PARD6G: variants seen among roughly 807,000 people sequenced by gnomAD.
PARD6G encodes the protein partitioning defective 6 homolog gamma.
Under a neutral mutation model 10.7 loss-of-function variants are expected in PARD6G, and 7 were observed. That is an observed-to-expected ratio of 0.66 (90% CI 0.37 to 1.23). The LOEUF (loss-of-function observed/expected upper bound fraction) is 1.23. Among genes scored for constraint, PARD6G ranks in the 50% most tolerant of loss-of-function variants. The pLI, the probability that PARD6G is intolerant of heterozygous loss-of-function variation, is 0.02. For missense variants in PARD6G, 548 were observed against 571.8 expected, an observed-to-expected ratio of 0.96 and a Z score of 0.42; for synonymous variants, 287 against 269.4, an observed-to-expected ratio of 1.07 and a Z score of -0.64.
rs991711653 is a variant in PARD6G, at chr18:80,188,533, C to T, written c.295+14177G>A. On this transcript the variant is annotated intron_variant, in intron 2 of 2. Transcript: ENST00000353265. The surrounding 1 kb of genome is among the most constrained non-coding windows in gnomAD (Gnocchi z 5.4). Reference sequence around the variant, plus strand: ...CCCGGCAGGACCCTCCTAGTACAGGCGCCTCGACCCAACTGTGCCAGCACA... The same window carrying T: ...CCCGGCAGGACCCTCCTAGTACAGGTGCCTCGACCCAACTGTGCCAGCACA... 4.6e-5 allele frequency among the ~76,000 whole-genome samples: 7 copies of T among 152,338 alleles called. No homozygotes were observed. The highest frequency in any genetic ancestry group is 1.3e-4 in the Admixed American group (2 of 15,306).
rs1241207015 is a variant in PARD6G at position 80,180,908 on chromosome 18, G to A, written c.296-20302C>T. On this transcript the variant is annotated intron_variant, in intron 2 of 2. Coordinates refer to ENST00000353265, the MANE Select transcript of PARD6G (RefSeq NM_032510.4). The surrounding 1 kb of genome is among the most constrained non-coding windows in gnomAD (Gnocchi z 5.6). ...TCCTGGTATCTAGACAGCAGAGGCC[G>A]GGGCACCGATAGCTCTCCACATGCA... Among the ~76,000 whole-genome samples the A allele has an allele frequency of 3.9e-5, 6 of 152,144 alleles. No homozygotes were observed. The highest frequency in any genetic ancestry group is 6.5e-5 in the Admixed American group (1 of 15,278).
At chr18:80,207,829 G>A (rs1031963469) in intron 1 of PARD6G, among the ~76,000 whole-genome samples, 2 of 152,086 alleles carry the variant, frequency 1.3e-5, no homozygotes, top group Admixed American at 6.5e-5. Flanking sequence ...TTGCAGAGAA[G>A]AGTAACAGGG....
chr18:80,174,899 A>G (rs1181824193), intron 2 of PARD6G, among the ~76,000 whole-genome samples: 2 of 152,120 alleles, frequency 1.3e-5, no homozygotes, highest in Non-Finnish European at 2.9e-5. Context: ...GAGTGAGCCG[A>G]GATTGTACCA....
At chr18:80,220,064 GA>G (rs1210971802) in intron 1 of PARD6G, among the ~76,000 whole-genome samples, 2 of 152,092 alleles carry the variant, frequency 1.3e-5, no homozygotes, top group African/African-American at 4.8e-5. Context: ...ATTTATAAAG[GA>G]AAAAGGTTTG....
At position 80,192,077 on chromosome 18, in the gene PARD6G, T is replaced by TC. The variant is rs1328727985; in HGVS notation, c.295+10632dup. Among the ~76,000 whole-genome samples the TC allele has an allele frequency of 5.9e-5, 9 of 152,210 alleles. No individual in the cohort carries two copies. The highest frequency in any genetic ancestry group is 2.2e-4 in the African/African-American group (9 of 41,456). ...TTCATGTTTTCAATGTACAAGAAGG[T>TC]CAGCGTTAACCACAAGAAGTTTCCA... is the stretch of plus-strand genomic sequence containing the variant. On this transcript the variant is annotated intron_variant, in intron 2 of 2. Coordinates refer to ENST00000353265, the MANE Select transcript of PARD6G (RefSeq NM_032510.4). The surrounding 1 kb of genome is among the most constrained non-coding windows in gnomAD (Gnocchi z 4.9).
chr18:80,219,835 G>A (rs1008889843), intron 1 of PARD6G, among the ~76,000 whole-genome samples: 4 of 152,116 alleles, frequency 2.6e-5, no homozygotes, highest in Non-Finnish European at 4.4e-5. Context: ...ACATCTTCCT[G>A]TCTTCTGAGC....
chr18:80,238,722 C>G (rs1228712850), intron 1 of PARD6G, among the ~76,000 whole-genome samples: 2 of 151,930 alleles, frequency 1.3e-5, no homozygotes, highest in Non-Finnish European at 2.9e-5. Flanking sequence ...ACACAGCAGA[C>G]ACTGTCGTTG....
chr18:80,215,454 A>G (rs1172418731), intron 1 of PARD6G, among the ~76,000 whole-genome samples: 1 of 152,198 alleles, frequency 6.6e-6, no homozygotes, highest in Non-Finnish European at 1.5e-5. Context: ...TGACAATGTT[A>G]TATGAAAATG....
At position 80,159,758 on chromosome 18, in the gene PARD6G, GC is replaced by G; in HGVS notation, c.*12del. ...GGGGAACTGGAGCTAGGATTTGGGG[GC>G]CTCTCGGGAGTCTAGAGCGTGACCG... On this transcript the variant is annotated 3_prime_UTR_variant, in exon 3 of 3. Coordinates refer to ENST00000353265, the MANE Select transcript of PARD6G (RefSeq NM_032510.4). 7.2e-7 allele frequency: 1 copy of G among 1,387,524 alleles called. No homozygotes were observed. Among genetic ancestry groups the G allele is most frequent in the Non-Finnish European group, 9.3e-7 (1 of 1,071,640 alleles). The allele number at this position is 1,387,524 out of a possible 1,614,324, so 86.0% of individuals were successfully genotyped here.
intron 1 of PARD6G, among the ~76,000 whole-genome samples, chr18:80,245,335 T>C (rs2145311194): frequency 6.6e-6 from 1 of 152,276 alleles, no homozygotes; most frequent in African/African-American, 2.4e-5. Context: ...AGTGAGTCTT[T>C]AACGCTCATG....
At chr18:80,241,093 A>C (rs1316857750) in intron 1 of PARD6G, among the ~76,000 whole-genome samples, 1 of 152,142 alleles carries the variant, frequency 6.6e-6, no homozygotes, top group Non-Finnish European at 1.5e-5. Flanking sequence ...CTCCCCATAA[A>C]ACACAAGACT....
At chr18:80,194,292 C>T (rs1231946970) in intron 2 of PARD6G, among the ~76,000 whole-genome samples, 2 of 152,132 alleles carry the variant, frequency 1.3e-5, no homozygotes, top group African/African-American at 4.8e-5. Flanking sequence ...GCGTGCCTGT[C>T]GCTACCTCTG....
intron 1 of PARD6G, among the ~76,000 whole-genome samples, chr18:80,242,607 A>C (rs1157344236): frequency 6.6e-6 from 1 of 152,224 alleles, no homozygotes; most frequent in Non-Finnish European, 1.5e-5. Context: ...CCCAAGTTTA[A>C]TGCCTGGGGG....
chr18:80,241,956 T>C (rs1967494727), intron 1 of PARD6G, among the ~76,000 whole-genome samples: 1 of 152,228 alleles, frequency 6.6e-6, no homozygotes, highest in South Asian at 2.1e-4. Flanking sequence ...AGACCTTGAA[T>C]GGCTGCATCT....
chr18:80,210,440 A>G (rs1207768879), intron 1 of PARD6G, among the ~76,000 whole-genome samples: 2 of 152,216 alleles, frequency 1.3e-5, no homozygotes, highest in Non-Finnish European at 2.9e-5. Flanking sequence ...GAAATCCAGC[A>G]GCCTCACAGC....
At chr18:80,209,198 C>A (rs1484813962) in intron 1 of PARD6G, among the ~76,000 whole-genome samples, 1 of 151,974 alleles carries the variant, frequency 6.6e-6, no homozygotes. Flanking sequence ...TTAAAAGGAC[C>A]CATGGTTCCG....
intron 1 of PARD6G, among the ~76,000 whole-genome samples, chr18:80,229,638 G>C (rs1829633950): frequency 1.3e-5 from 2 of 152,234 alleles, no homozygotes; most frequent in African/African-American, 4.8e-5. Flanking sequence ...CAACTGACCT[G>C]TCTTCGTGTA....
chr18:80,234,161 T>C (rs1967392398), intron 1 of PARD6G, among the ~76,000 whole-genome samples: 1 of 144,714 alleles, frequency 6.9e-6, no homozygotes, highest in African/African-American at 2.9e-5. Flanking sequence ...CCAACTTTCA[T>C]TGTACACAAA....
intron 1 of PARD6G, among the ~76,000 whole-genome samples, chr18:80,233,431 C>G: frequency 6.6e-6 from 1 of 152,134 alleles, no homozygotes; most frequent in Non-Finnish European, 1.5e-5. Context: ...GACTGCAGGC[C>G]ATGGGGGTCA....
Sources: gnomAD v4.1 joint callset for allele counts (sites outside exome capture counted in the v4.1 genomes callset) on GRCh38, gnomAD v4.1.1 for gene constraint, Gnocchi (gnomAD v3.1) non-coding constraint, MANE v1.5 for transcripts, NCBI Gene and HGNC (gene_info 2026-07-23, HGNC 2026-07-21) for gene names.